SLC35F1: variants seen among roughly 807,000 people sequenced by gnomAD.
The protein encoded by SLC35F1 is chromosome 6 open reading frame 169.
A neutral mutation model predicts 48.7 loss-of-function variants in SLC35F1; 14 were observed. The ratio of observed to expected loss-of-function variants is 0.29; its 90% CI spans 0.19 to 0.45. The LOEUF (loss-of-function observed/expected upper bound fraction) is 0.45, where lower values mean the gene tolerates loss of function less well. Ranked by LOEUF, SLC35F1 falls within the 20% of genes least tolerant of loss-of-function variation. SLC35F1 has a pLI of 1.00. For missense variants in SLC35F1, 404 were observed against 500.0 expected, an observed-to-expected ratio of 0.81 and a Z score of 1.83; for synonymous variants, 190 against 202.2, an observed-to-expected ratio of 0.94 and a Z score of 0.51.
chr6:117,954,198 C>G (rs1011321197), intron 1 of SLC35F1, among the ~76,000 whole-genome samples: 39 of 152,152 alleles, frequency 2.6e-4, no homozygotes, highest in Non-Finnish European at 7.3e-5. Context: ...GTTGAACAAC[C>G]ATCAGTGTAA....
chr6:118,216,949 C>A (rs1420989717), intron 2 of SLC35F1, among the ~76,000 whole-genome samples: 1 of 152,038 alleles, frequency 6.6e-6, no homozygotes, highest in Non-Finnish European at 1.5e-5. Flanking sequence ...TAGATTCCAG[C>A]GTGATTCAAA....
At chr6:118,026,049 G>A (rs192500336) in intron 1 of SLC35F1, among the ~76,000 whole-genome samples, 150 of 152,262 alleles carry the variant, frequency 9.9e-4, no homozygotes, top group African/African-American at 3.5e-3. Flanking sequence ...GATTCACACC[G>A]TCTCCAGCCT....
chr6:118,079,999 G>A (rs1772882448), intron 1 of SLC35F1, among the ~76,000 whole-genome samples: 1 of 152,044 alleles, frequency 6.6e-6, no homozygotes, highest in Non-Finnish European at 1.5e-5. Context: ...CTGTTCAAGG[G>A]GACTAGGAAT....
intron 1 of SLC35F1, among the ~76,000 whole-genome samples, chr6:118,022,855 A>G (rs1313553675): frequency 1.4e-5 from 2 of 146,950 alleles, no homozygotes; most frequent in African/African-American, 5.1e-5. Flanking sequence ...GGTTCGCGCC[A>G]TTCTCCTGCC....
chr6:118,125,871 A>G (rs1394274201), intron 1 of SLC35F1, among the ~76,000 whole-genome samples: 1 of 152,212 alleles, frequency 6.6e-6, no homozygotes, highest in Non-Finnish European at 1.5e-5. Context: ...GAGGAGGGCA[A>G]GCAGGTTTCA....
intron 1 of SLC35F1, among the ~76,000 whole-genome samples, chr6:118,118,626 C>T (rs1264475824): frequency 6.6e-6 from 1 of 152,130 alleles, no homozygotes; most frequent in Non-Finnish European, 1.5e-5. Context: ...TTCAGATCTT[C>T]TGTCTTTTTT....
intron 1 of SLC35F1, among the ~76,000 whole-genome samples, chr6:118,070,999 TATATATATACAC>T (rs1562280854): frequency 4.2e-3 from 42 of 10,092 alleles, no homozygotes; most frequent in African/African-American, 0.011. Flanking sequence ...TACGTGTGTG[TATATATATACAC>T]GTAGTATATA....
intron 1 of SLC35F1, among the ~76,000 whole-genome samples, chr6:118,027,093 C>CCTAA (rs1771970265): frequency 6.6e-6 from 1 of 152,112 alleles, no homozygotes; most frequent in Non-Finnish European, 1.5e-5. Flanking sequence ...TTTTACTTAG[C>CCTAA]CTAATGCTTT....
intron 1 of SLC35F1, among the ~76,000 whole-genome samples, chr6:118,058,986 GA>G (rs1772499961): frequency 1.3e-5 from 2 of 152,256 alleles, no homozygotes; most frequent in South Asian, 4.1e-4. Flanking sequence ...TAACCTCAGC[GA>G]GATGATTTTA....
chr6:118,130,425 C>T (rs1010565869), intron 1 of SLC35F1, among the ~76,000 whole-genome samples: 1 of 152,020 alleles, frequency 6.6e-6, no homozygotes, highest in Admixed American at 6.6e-5. Flanking sequence ...GAGCGGAGAT[C>T]GCACCACTGC....
At chr6:117,976,157 C>G (rs1268770551) in intron 1 of SLC35F1, among the ~76,000 whole-genome samples, 1 of 152,210 alleles carries the variant, frequency 6.6e-6, no homozygotes, top group African/African-American at 2.4e-5. Context: ...AATTCTTTGT[C>G]TTCCCTCATG....
chr6:118,163,455 A>C (rs1287535889), intron 2 of SLC35F1, among the ~76,000 whole-genome samples: 9 of 151,766 alleles, frequency 5.9e-5, no homozygotes, highest in Non-Finnish European at 1.3e-4. Context: ...CACACACTCT[A>C]TACATCAGAC....
chr6:117,954,415 C>A (rs1776401363), intron 1 of SLC35F1, among the ~76,000 whole-genome samples: 1 of 152,116 alleles, frequency 6.6e-6, no homozygotes, highest in African/African-American at 2.4e-5. Flanking sequence ...GCCACCATGC[C>A]TGGCTAAATT....
At chr6:118,123,483 A>T (rs1773582092) in intron 1 of SLC35F1, among the ~76,000 whole-genome samples, 1 of 152,110 alleles carries the variant, frequency 6.6e-6, no homozygotes, top group African/African-American at 2.4e-5. Flanking sequence ...ACGACAAAAT[A>T]TTTAATAAAT....
chr6:117,999,995 T>A (rs2114866152), intron 1 of SLC35F1, among the ~76,000 whole-genome samples: 1 of 151,522 alleles, frequency 6.6e-6, no homozygotes, highest in African/African-American at 2.4e-5. Flanking sequence ...ACCAGATGGA[T>A]TCACAGCCGA....
At chr6:118,101,266 T>C (rs943640392) in intron 1 of SLC35F1, among the ~76,000 whole-genome samples, 2 of 152,228 alleles carry the variant, frequency 1.3e-5, no homozygotes, top group Admixed American at 1.3e-4. Context: ...AGGCTGCTGG[T>C]GAAAACCGCC....
chr6:118,304,635 G>A (rs1310269549), intron 7 of SLC35F1, among the ~76,000 whole-genome samples: 1 of 152,120 alleles, frequency 6.6e-6, no homozygotes, highest in Non-Finnish European at 1.5e-5. Context: ...CTTGGCTTTA[G>A]AATTTACTCT....
At chr6:117,947,157 G>T (rs1479857808) in intron 1 of SLC35F1, among the ~76,000 whole-genome samples, 2 of 152,178 alleles carry the variant, frequency 1.3e-5, no homozygotes, top group Non-Finnish European at 2.9e-5. Context: ...TGTTGAGAAG[G>T]TGACTTTTGA....
At chr6:117,966,429 C>A (rs1214625416) in intron 1 of SLC35F1, among the ~76,000 whole-genome samples, 3 of 151,858 alleles carry the variant, frequency 2.0e-5, no homozygotes, top group Non-Finnish European at 2.9e-5. Context: ...GACCACCAAC[C>A]CACCAGGAGG....
Sources: gnomAD v4.1 joint callset for allele counts (sites outside exome capture counted in the v4.1 genomes callset) on GRCh38, gnomAD v4.1.1 for gene constraint, MANE v1.5 for transcripts, NCBI Gene and HGNC (gene_info 2026-07-23, HGNC 2026-07-21) for gene names.